SEPTIN9: variants seen among roughly 807,000 people sequenced by gnomAD.
SEPTIN9 encodes septin-9.
Under a neutral mutation model 56.6 loss-of-function variants are expected in SEPTIN9, and 13 were observed. The ratio of observed to expected loss-of-function variants is 0.23; its 90% CI spans 0.15 to 0.37. SEPTIN9 has a LOEUF of 0.37. SEPTIN9 is among the 10% of genes least tolerant of loss of function. The probability of loss-of-function intolerance (pLI) is 1.00; values close to 1 mark genes in which losing one functional copy is unlikely to be tolerated. For missense variants in SEPTIN9, 650 were observed against 823.1 expected (o/e 0.79, Z 2.57); for synonymous variants, 332 against 334.1 (o/e 0.99, Z 0.07).
At chr17:77,312,715 G>A (rs961585409) in intron 2 of SEPTIN9, among the ~76,000 whole-genome samples, 11 of 152,120 alleles carry the variant, frequency 7.2e-5, no homozygotes, top group East Asian at 1.9e-4. Flanking sequence ...CTTCTTTTGC[G>A]TTGGCTAAAG....
chr17:77,314,180 A>C (rs1179081686), intron 2 of SEPTIN9, among the ~76,000 whole-genome samples: 6 of 142,832 alleles, frequency 4.2e-5, no homozygotes. Flanking sequence ...AAAAAAAAAA[A>C]TTTTTTTTTT....
chr17:77,458,499 A>T (rs1487255471), intron 3 of SEPTIN9, among the ~76,000 whole-genome samples: 1 of 152,218 alleles, frequency 6.6e-6, no homozygotes, highest in Non-Finnish European at 1.5e-5. Context: ...GTTACGAACC[A>T]CGTGGCCTCA....
intron 2 of SEPTIN9, among the ~76,000 whole-genome samples, chr17:77,398,398 G>C (rs1346743221): frequency 6.6e-6 from 1 of 152,214 alleles, no homozygotes; most frequent in African/African-American, 2.4e-5. Flanking sequence ...CAGTCATGAC[G>C]TGGCCAGGAT....
At chr17:77,424,621 T>C (rs312890) in intron 3 of SEPTIN9, among the ~76,000 whole-genome samples, 3,392 of 152,324 alleles carry the variant, frequency 0.022, 132 homozygotes, top group African/African-American at 0.077. Context: ...CCCTTGCTTT[T>C]TTCTGGGGGC....
chr17:77,356,497 A>G (rs971335910), intron 2 of SEPTIN9, among the ~76,000 whole-genome samples: 47 of 145,960 alleles, frequency 3.2e-4, no homozygotes, highest in Admixed American at 1.2e-3. Context: ...AATGGGGGCC[A>G]GGGGGGAGCG....
chr17:77,390,746 C>G (rs921305373), intron 2 of SEPTIN9, among the ~76,000 whole-genome samples: 5 of 152,196 alleles, frequency 3.3e-5, no homozygotes, highest in African/African-American at 1.2e-4. Flanking sequence ...CCGCCGCGCC[C>G]GGCCACACGT....
chr17:77,316,175 C>T (rs181217796), intron 2 of SEPTIN9, among the ~76,000 whole-genome samples: 96 of 152,344 alleles, frequency 6.3e-4, no homozygotes, highest in African/African-American at 1.9e-3. Flanking sequence ...GGGGATCCAC[C>T]GCAGGGGCCT....
chr17:77,470,551 C>T (rs1835002262), intron 3 of SEPTIN9, among the ~76,000 whole-genome samples: 1 of 152,198 alleles, frequency 6.6e-6, no homozygotes, highest in Non-Finnish European at 1.5e-5. Flanking sequence ...CCAATTCACT[C>T]ATCCACCTAT....
chr17:77,497,697 G>T, intron 11 of SEPTIN9: 3 of 446,874 alleles, frequency 6.7e-6, no homozygotes, highest in Non-Finnish European at 8.3e-6. Flanking sequence ...CCTGCCGGCA[G>T]CGTGGGGCGT....
intron 2 of SEPTIN9, among the ~76,000 whole-genome samples, chr17:77,347,780 TCAGTA>T (rs1396380628): frequency 2.6e-5 from 4 of 152,116 alleles, no homozygotes; most frequent in Non-Finnish European, 5.9e-5. Context: ...TTTCTCACTT[TCAGTA>T]CAGTATTCAA....
Position 77,445,769 on chromosome 17 carries a change from A to G in SEPTIN9, c.722-36375A>G, listed in dbSNP as rs577828865. On this transcript the variant is annotated intron_variant, in intron 3 of 11. Transcript: ENST00000427177. This position sits in a 1 kb window ranked among gnomAD's most constrained non-coding sequence, Gnocchi z 4.7. ...ACCTTGCTGTGGGATAGGCTGGCCAATGGTGCTCCCTCCCCTGTGACCCTT... is the reference window on the plus strand; with the variant it reads ...ACCTTGCTGTGGGATAGGCTGGCCAGTGGTGCTCCCTCCCCTGTGACCCTT... 5 of 257,404 alleles carry G rather than the reference A, an allele frequency of 1.9e-5. No individual in the cohort carries two copies. The highest frequency in any genetic ancestry group is 1.7e-4 in the South Asian group (4 of 23,216). 15.9% of individuals were successfully genotyped at this position (257,404 alleles called of 1,614,324 possible). A position where few individuals can be genotyped will look rare whatever the true frequency, so the allele number is the denominator to read the frequency against.
rs1352283919 is a variant in SEPTIN9 at position 77,326,971 on chromosome 17, G to A, written c.76+19774G>A. Among the ~76,000 whole-genome samples, 3 of 151,808 alleles carry A rather than the reference G, an allele frequency of 2.0e-5. No individual in the cohort carries two copies. Among genetic ancestry groups the A allele is most frequent in the Non-Finnish European group, 4.4e-5 (3 of 67,954 alleles). On this transcript the variant is annotated intron_variant, in intron 2 of 11. Transcript: ENST00000427177. This position sits in a 1 kb window ranked among gnomAD's most constrained non-coding sequence, Gnocchi z 5.1. ...CCTGGGGAGCACATGGAAGCTCTGC[G>A]TCCCTCCCCCATACCTTGCCCTACA...
At chr17:77,294,322 A>C (rs1241504597) in intron 1 of SEPTIN9, among the ~76,000 whole-genome samples, 1 of 152,174 alleles carries the variant, frequency 6.6e-6, no homozygotes, top group Non-Finnish European at 1.5e-5. Context: ...TGGGAGGCTG[A>C]GGCAGGAGAA....
chr17:77,492,885 G>A lies in SEPTIN9; in HGVS notation c.1477-95G>A. 1 of 1,302,796 alleles carries A rather than the reference G, an allele frequency of 7.7e-7. No individual in the cohort carries two copies. Among genetic ancestry groups the A allele is most frequent in the Non-Finnish European group, 1.1e-6 (1 of 915,344 alleles). The allele number at this position is 1,302,796 out of a possible 1,614,324, so 80.7% of individuals were successfully genotyped here. A position where few individuals can be genotyped will look rare whatever the true frequency, so the allele number is the denominator to read the frequency against. On this transcript the variant is annotated intron_variant, in intron 9 of 11. Transcript: ENST00000427177. The surrounding 1 kb of genome is among the most constrained non-coding windows in gnomAD (Gnocchi z 5.4). ...GTCAGGCTGAGGCTCTCGTTTTTGG[G>A]GGACCCCAGGCTCAGGGCAGCTCCT...
intron 2 of SEPTIN9, among the ~76,000 whole-genome samples, chr17:77,307,627 G>A (rs2032322938): frequency 6.6e-6 from 1 of 152,158 alleles, no homozygotes; most frequent in African/African-American, 2.4e-5. Flanking sequence ...CCAGGATAGA[G>A]CAGATACGTC....
intron 3 of SEPTIN9, among the ~76,000 whole-genome samples, chr17:77,452,154 T>A (rs1314158013): frequency 6.6e-6 from 1 of 152,154 alleles, no homozygotes; most frequent in Non-Finnish European, 1.5e-5. Flanking sequence ...CTGGCGGGGC[T>A]GGTCTGCGTG....
At chr17:77,293,010 A>C (rs1288692599) in intron 1 of SEPTIN9, among the ~76,000 whole-genome samples, 2 of 151,004 alleles carry the variant, frequency 1.3e-5, no homozygotes, top group African/African-American at 4.9e-5. Flanking sequence ...TTATTTATTT[A>C]TTTATTTATT....
At chr17:77,396,647 T>G (rs1038597153) in intron 2 of SEPTIN9, among the ~76,000 whole-genome samples, 6 of 151,976 alleles carry the variant, frequency 3.9e-5, no homozygotes, top group Non-Finnish European at 8.8e-5. Flanking sequence ...AGGACTCTGA[T>G]GGGGGAGGAG....
rs1005622545 is a variant in SEPTIN9, at chr17:77,373,203, CT to C, written c.77-28854del. On this transcript the variant is annotated intron_variant, in intron 2 of 11. Transcript: ENST00000427177. ...CGGGCCCCAGCCCCCCAGGCCTGGC[CT>C]TGACAGGCGGGCGGAGCAGCCAGTG... 99 of 1,093,820 alleles carry C rather than the reference CT, an allele frequency of 9.1e-5. No individual in the cohort carries two copies. In the African/African-American group the frequency reaches 1.6e-3, roughly 17 times the overall value. 67.8% of individuals were successfully genotyped at this position (1,093,820 alleles called of 1,614,324 possible). A position where few individuals can be genotyped will look rare whatever the true frequency, so the allele number is the denominator to read the frequency against.
Sources: allele counts gnomAD v4.1 joint callset (sites outside exome capture counted in the v4.1 genomes callset), GRCh38; gene constraint gnomAD v4.1.1; non-coding constraint Gnocchi (gnomAD v3.1); transcripts MANE v1.5; gene names NCBI Gene and HGNC (gene_info 2026-07-23, HGNC 2026-07-21).